The following SPAG16 variants were observed in gnomAD, a reference collection of about 807,000 sequenced individuals.
SPAG16 encodes the protein sperm-associated antigen 16 protein.
SPAG16 carries 86 observed loss-of-function variants against 80.4 expected under a neutral mutation model. The observed-to-expected ratio is 1.07, with a 90% CI of 0.90 to 1.28. The LOEUF (loss-of-function observed/expected upper bound fraction) is 1.28, where lower values mean the gene tolerates loss of function less well. Ranked by LOEUF, SPAG16 falls within the 50% of genes most tolerant of loss-of-function variation. SPAG16 has a pLI of 0.00. For synonymous variants in SPAG16, 294 were observed against 265.9 expected (o/e 1.11, Z -1.03); for missense variants, 870 against 765.3 (o/e 1.14, Z -1.61).
At chr2:213,326,029 A>G (rs1205090218) in intron 5 of SPAG16, among the ~76,000 whole-genome samples, 1 of 151,934 alleles carries the variant, frequency 6.6e-6, no homozygotes, top group Non-Finnish European at 1.5e-5. Flanking sequence ...TTTCTTGGGA[A>G]TGTAACCAGT....
intron 10 of SPAG16, among the ~76,000 whole-genome samples, chr2:213,732,095 G>A (rs1200893477): frequency 6.6e-6 from 1 of 152,072 alleles, no homozygotes; most frequent in African/African-American, 2.4e-5. Context: ...TTTTGTTGAT[G>A]GTGTAAGGAA....
At chr2:213,485,678 T>C (rs2073944231) in intron 9 of SPAG16, among the ~76,000 whole-genome samples, 1 of 152,144 alleles carries the variant, frequency 6.6e-6, no homozygotes, top group Admixed American at 6.5e-5. Context: ...GAGTAGATAC[T>C]CAAATGTTGA....
chr2:214,111,047 T>G (rs187662683), intron 14 of SPAG16, among the ~76,000 whole-genome samples: 46 of 152,074 alleles, frequency 3.0e-4, no homozygotes, highest in African/African-American at 8.5e-4. Flanking sequence ...GTCAGATGGG[T>G]AGATTGCAAA....
intron 15 of SPAG16, among the ~76,000 whole-genome samples, chr2:214,166,508 G>A (rs1405794386): frequency 6.6e-6 from 1 of 152,136 alleles, no homozygotes; most frequent in Admixed American, 6.6e-5. Flanking sequence ...TTCTCAGCCA[G>A]GCTCCTGTTA....
At chr2:214,297,720 A>G (rs1694235302) in intron 15 of SPAG16, among the ~76,000 whole-genome samples, 1 of 151,392 alleles carries the variant, frequency 6.6e-6, no homozygotes, top group East Asian at 1.9e-4. Context: ...TATCAGAACC[A>G]TGCAGTTTTA....
In SPAG16 at chr2:214,286,049, C is replaced by T. The variant is rs180915554; in HGVS notation, c.1721-124091C>T. The stretch of plus-strand genomic sequence containing the variant: ...GAGTTAACTTTTGTACATCACTTGA[C>T]ATTATGCAAAGTGAAGTAAGCCAGA... On this transcript the variant is annotated intron_variant, in intron 15 of 15. Coordinates refer to ENST00000331683, the MANE Select transcript of SPAG16 (RefSeq NM_024532.5). Among the ~76,000 whole-genome samples, 4 of 152,138 alleles carry T rather than the reference C, an allele frequency of 2.6e-5. 1 individual carries two copies. The East Asian group carries it at 7.7e-4, about 29-fold the overall frequency.
chr2:214,026,296 T>C (rs1277424819), intron 13 of SPAG16, among the ~76,000 whole-genome samples: 1 of 151,484 alleles, frequency 6.6e-6, no homozygotes, highest in South Asian at 2.1e-4. Context: ...TTTATTAGTT[T>C]AGAACTAATA....
At chr2:214,000,668 A>T (rs2046749852) in intron 12 of SPAG16, among the ~76,000 whole-genome samples, 2 of 152,196 alleles carry the variant, frequency 1.3e-5, no homozygotes, top group Admixed American at 1.3e-4. Context: ...AACATAAATA[A>T]ATAAGCTAAA....
chr2:214,005,456 A>G (rs1189185742), intron 12 of SPAG16, among the ~76,000 whole-genome samples: 3 of 152,158 alleles, frequency 2.0e-5, no homozygotes, highest in Admixed American at 6.6e-5. Flanking sequence ...GTATATTTTT[A>G]TCATCGAGGG....
chr2:213,370,161 G>A (rs2066551783), intron 8 of SPAG16, among the ~76,000 whole-genome samples: 1 of 152,098 alleles, frequency 6.6e-6, no homozygotes, highest in Non-Finnish European at 1.5e-5. Flanking sequence ...AGTCATAAAA[G>A]TAACACAACA....
chr2:214,049,718 TTTA>T (rs1476433704), intron 13 of SPAG16, among the ~76,000 whole-genome samples: 1 of 152,170 alleles, frequency 6.6e-6, no homozygotes, highest in African/African-American at 2.4e-5. Context: ...CCATTGTAAG[TTTA>T]TTGTGAGAAA....
chr2:214,274,723 A>T (rs1176920818), intron 15 of SPAG16, among the ~76,000 whole-genome samples: 2 of 152,148 alleles, frequency 1.3e-5, no homozygotes, highest in South Asian at 2.1e-4. Flanking sequence ...GGATTTTTGC[A>T]TCGATGTTCA....
intron 14 of SPAG16, among the ~76,000 whole-genome samples, chr2:214,142,438 G>T (rs2055410399): frequency 6.6e-6 from 1 of 152,018 alleles, no homozygotes; most frequent in African/African-American, 2.4e-5. Context: ...GCATGTTATG[G>T]AAAATTTTTG....
At chr2:213,850,620 G>A (rs2074852786) in intron 10 of SPAG16, among the ~76,000 whole-genome samples, 1 of 152,124 alleles carries the variant, frequency 6.6e-6, no homozygotes, top group African/African-American at 2.4e-5. Flanking sequence ...AGAAGAGAAG[G>A]TTTTATGGCT....
intron 13 of SPAG16, among the ~76,000 whole-genome samples, chr2:214,068,158 A>C (rs2050619148): frequency 6.6e-6 from 1 of 152,164 alleles, no homozygotes; most frequent in Non-Finnish European, 1.5e-5. Context: ...CAGTTCTTAA[A>C]AATGGAAACA....
chr2:213,725,882 C>A (rs1325215352), intron 10 of SPAG16, among the ~76,000 whole-genome samples: 5 of 152,176 alleles, frequency 3.3e-5, no homozygotes, highest in Non-Finnish European at 7.3e-5. Flanking sequence ...GGTCACAGAG[C>A]AGTTAGGTCA....
At chr2:213,561,243 A>T (rs2059591269) in intron 10 of SPAG16, among the ~76,000 whole-genome samples, 1 of 152,234 alleles carries the variant, frequency 6.6e-6, no homozygotes, top group African/African-American at 2.4e-5. Flanking sequence ...AATTTCAGTT[A>T]TTAAAATGTA....
intron 14 of SPAG16, among the ~76,000 whole-genome samples, chr2:214,116,050 C>A (rs547110934): frequency 6.6e-6 from 1 of 152,120 alleles, no homozygotes; most frequent in Admixed American, 6.5e-5. Context: ...CCAGCACCCA[C>A]GTAGCTGATC....
intron 15 of SPAG16, among the ~76,000 whole-genome samples, chr2:214,234,237 C>G (rs1348905398): frequency 6.6e-6 from 1 of 152,176 alleles, no homozygotes; most frequent in Non-Finnish European, 1.5e-5. Flanking sequence ...TTTATGGCTG[C>G]ATAGTATTCC....
Sources: allele counts gnomAD v4.1 joint callset (sites outside exome capture counted in the v4.1 genomes callset), GRCh38; gene constraint gnomAD v4.1.1; transcripts MANE v1.5; gene names NCBI Gene and HGNC (gene_info 2026-07-23, HGNC 2026-07-21).